The following TNN variants were observed in gnomAD, a reference collection of about 807,000 sequenced individuals.
The protein encoded by TNN is tenascin N, also known as tenascin-N.
In TNN, 122 loss-of-function variants were observed where a neutral mutation model predicts 134.4. The ratio of observed to expected loss-of-function variants is 0.91; its 90% CI spans 0.78 to 1.06. The LOEUF (loss-of-function observed/expected upper bound fraction) is 1.06, where lower values mean the gene tolerates loss of function less well. TNN is among the 50% of genes least tolerant of loss of function. The pLI is 0.00. For missense variants in TNN, 1,739 were observed against 1,699.4 expected (o/e 1.02, Z -0.41); for synonymous variants, 710 against 670.3 (o/e 1.06, Z -0.91).
At chr1:175,135,719 T>C (rs1417446978) in intron 15 of TNN, 126 bp from the exon 16 acceptor site, 3 of 709,954 alleles carry the variant, frequency 4.2e-6, no homozygotes, top group Non-Finnish European at 7.6e-6. Context: ...ATAAAAAGCC[T>C]CTCTAGAATG....
intron 7 of TNN, among the ~76,000 whole-genome samples, chr1:175,097,076 A>G (rs765978694): frequency 6.6e-6 from 1 of 152,244 alleles, no homozygotes; most frequent in Non-Finnish European, 1.5e-5. Context: ...TTCTAGTACA[A>G]GGAGTCAGGA....
Position 175,098,615 on chromosome 1 carries a change from G to A in TNN, c.2119+20G>A, listed in dbSNP as rs1558356708. 6.2e-7 allele frequency: 1 copy of A among 1,613,784 alleles called. No individual in the cohort carries two copies. Among genetic ancestry groups the A allele is most frequent in the Admixed American group, 1.7e-5 (1 of 59,968 alleles). On this transcript the variant is annotated intron_variant, in intron 9 of 18. Coordinates refer to ENST00000239462, the MANE Select transcript of TNN (RefSeq NM_022093.2). ...AGACAGGTAAGGAGTGTGCATTATTGCTGTGCCGATGCCATGCTCAGGGTC... is the reference window on the plus strand; with the variant it reads ...AGACAGGTAAGGAGTGTGCATTATTACTGTGCCGATGCCATGCTCAGGGTC...
At chr1:175,141,830 C>T (rs1675950867) in intron 17 of TNN, among the ~76,000 whole-genome samples, 1 of 152,156 alleles carries the variant, frequency 6.6e-6, no homozygotes, top group South Asian at 2.1e-4. Context: ...AGTCCTCATT[C>T]TCACTCTCTA....
chr1:175,069,513 A>C (rs1207064891), intron 1 of TNN, among the ~76,000 whole-genome samples: 1 of 152,178 alleles, frequency 6.6e-6, no homozygotes, highest in African/African-American at 2.4e-5. Context: ...CTGTGGTTTG[A>C]AATGTAGGGT....
chr1:175,113,062 A>G (rs1675075924), intron 9 of TNN, among the ~76,000 whole-genome samples: 1 of 151,910 alleles, frequency 6.6e-6, no homozygotes, highest in African/African-American at 2.4e-5. Flanking sequence ...TTCTTCTATT[A>G]TTGTTTCTTA....
At position 175,136,939 on chromosome 1, in the gene TNN, C is replaced by T. The variant is rs1366982646; in HGVS notation, c.3546C>T (p.Ser1182=). The T allele has an allele frequency of 6.2e-7, 1 of 1,614,170 alleles. No individual in the cohort carries two copies. The highest frequency in any genetic ancestry group is 8.5e-7 in the Non-Finnish European group (1 of 1,180,018). Residue 1182 remains serine, a synonymous_variant, in exon 17 of 19, where the codon TCC becomes TCT. Transcript: ENST00000239462. ...YAIYDFFQVA[S]SKERYKLTVG... is the part of the protein sequence containing the mutation. ...TATATGATTTCTTCCAAGTGGCCTC[C>T]AGCAAGGAGCGGTATAAGCTGACAG...
rs773713580 is a variant in TNN, at chr1:175,078,450, C to A, written c.409+623C>A. Among the ~76,000 whole-genome samples, 103 of 152,078 alleles carry A rather than the reference C, an allele frequency of 6.8e-4. 1 individual carries two copies. The highest frequency in any genetic ancestry group is 1.2e-3 in the Non-Finnish European group (80 of 67,980). ...AATGAAGGTTCTCCCCCAACGCAAC[C>A]CCGTCACTTTTAAACATAAACTGCC... On this transcript the variant is annotated intron_variant, in intron 2 of 18. Transcript: ENST00000239462.
intron 1 of TNN, among the ~76,000 whole-genome samples, chr1:175,069,070 G>C (rs1327040758): frequency 2.6e-5 from 4 of 152,112 alleles, no homozygotes; most frequent in Non-Finnish European, 5.9e-5. Flanking sequence ...CATGAAACCT[G>C]TGTTGCTTAT....
chr1:175,118,465 C>A (rs1485269887), intron 10 of TNN, 96 bp from the exon 11 acceptor site: 3 of 1,442,722 alleles, frequency 2.1e-6, no homozygotes, highest in Non-Finnish European at 1.9e-6. Flanking sequence ...AAACCCCACA[C>A]AACATGAAAG....
intron 6 of TNN, among the ~76,000 whole-genome samples, chr1:175,091,562 T>A (rs1031255145): frequency 4.8e-5 from 6 of 124,728 alleles, no homozygotes; most frequent in African/African-American, 1.8e-4. Context: ...TTATTATTTT[T>A]ATTTATTTAT....
At chr1:175,094,454 T>C (rs1674522779) in intron 7 of TNN, among the ~76,000 whole-genome samples, 1 of 152,222 alleles carries the variant, frequency 6.6e-6, no homozygotes, top group Non-Finnish European at 1.5e-5. Context: ...CTTTTTCACT[T>C]GATGCAGAAG....
At chr1:175,129,380 C>A (rs1237420529) in intron 15 of TNN, among the ~76,000 whole-genome samples, 1 of 151,950 alleles carries the variant, frequency 6.6e-6, no homozygotes, top group Non-Finnish European at 1.5e-5. Flanking sequence ...CAAGTCCCAG[C>A]CTCATTGTCT....
rs532009316 is a variant in TNN, at chr1:175,147,648, A to T, written c.*577A>T. On this transcript the variant is annotated 3_prime_UTR_variant, in exon 19 of 19. Transcript: ENST00000239462. ...CATGTTTAGCTAAGTTCTGACTTGTATCCAGCATGCTGGAGACCAAAGCTG... is the reference window on the plus strand; with the variant it reads ...CATGTTTAGCTAAGTTCTGACTTGTTTCCAGCATGCTGGAGACCAAAGCTG... The T allele has an allele frequency of 6.6e-6, 1 of 152,356 alleles. No homozygotes were observed. Among genetic ancestry groups the T allele is most frequent in the Non-Finnish European group, 1.5e-5 (1 of 68,044 alleles). 9.4% of individuals were successfully genotyped at this position (152,356 alleles called of 1,614,324 possible). A position where few individuals can be genotyped will look rare whatever the true frequency, so the allele number is the denominator to read the frequency against.
In TNN at chr1:175,079,422, G is replaced by A. The variant is rs1049047581; in HGVS notation, c.499G>A (p.Glu167Lys). The A allele has an allele frequency of 3.8e-6, 6 of 1,587,600 alleles. No individual in the cohort carries two copies. The highest frequency in any genetic ancestry group is 1.1e-5 in the South Asian group (1 of 88,806). The change falls in exon 3 of 19, where the codon GAG becomes AAG. Residue 167 changes from glutamate (E) to lysine (K), a missense_variant. By Grantham distance (56) the Glu-to-Lys change is moderately conservative. Coordinates refer to ENST00000239462, the MANE Select transcript of TNN (RefSeq NM_022093.2). ...CEEGREGPAC[E>K]RLACPGACSG... is the part of the protein sequence containing the mutation. ...AGAGGGCAGGGAGGGCCCCGCCTGC[G>A]AGCGGCTGGCCTGCCCCGGGGCGTG... is the stretch of plus-strand genomic sequence containing the variant.
rs80039608 is a variant in TNN, at chr1:175,128,361, G to C, written c.3178+197G>C. ...GCTAAAGAGAGGAGTGAAATAGAGT[G>C]TTACTTTGTGAGGGAGCTGAGTTGG... is the stretch of plus-strand genomic sequence containing the variant. On this transcript the variant is annotated intron_variant, in intron 14 of 18. Transcript: ENST00000239462. 3.3e-3 allele frequency among the ~76,000 whole-genome samples: 499 copies of C among 152,286 alleles called. 3 individuals are homozygous for C. Among genetic ancestry groups the C allele is most frequent in the African/African-American group, 0.01 (424 of 41,546 alleles).
intron 11 of TNN, among the ~76,000 whole-genome samples, chr1:175,122,945 A>G (rs776161108): frequency 2.0e-5 from 3 of 152,150 alleles, no homozygotes; most frequent in Non-Finnish European, 4.4e-5. Flanking sequence ...TTAACATAAG[A>G]TGTCAACAGG....
intron 7 of TNN, among the ~76,000 whole-genome samples, chr1:175,096,339 G>T (rs1054257272): frequency 6.6e-6 from 1 of 152,198 alleles, no homozygotes; most frequent in South Asian, 2.1e-4. Context: ...CTGTGTGTTT[G>T]GTGCACTAGT....
At chr1:175,132,357 C>A (rs890610556) in intron 15 of TNN, among the ~76,000 whole-genome samples, 2 of 152,170 alleles carry the variant, frequency 1.3e-5, no homozygotes, top group Non-Finnish European at 2.9e-5. Context: ...TGGACTTTCA[C>A]ATCTGTCAAA....
chr1:175,087,988 G>A (rs572744060), intron 6 of TNN, among the ~76,000 whole-genome samples: 1 of 152,312 alleles, frequency 6.6e-6, no homozygotes, highest in East Asian at 1.9e-4. Context: ...AGATGCATAG[G>A]TCAAGGTACG....
Sources: allele counts gnomAD v4.1 joint callset (sites outside exome capture counted in the v4.1 genomes callset), GRCh38; gene constraint gnomAD v4.1.1; transcripts MANE v1.5; gene names NCBI Gene and HGNC (gene_info 2026-07-23, HGNC 2026-07-21).